TRAF3: variants seen among roughly 807,000 people sequenced by gnomAD.
The protein encoded by TRAF3 is TNF receptor-associated factor 3.
TRAF3 carries 13 observed loss-of-function variants against 62.3 expected under a neutral mutation model. That is an observed-to-expected ratio of 0.21 (90% confidence interval 0.14 to 0.33). The LOEUF (loss-of-function observed/expected upper bound fraction) is 0.33, where lower values mean the gene tolerates loss of function less well. Among genes scored for constraint, TRAF3 ranks in the 10% least tolerant of loss-of-function variants. The probability of loss-of-function intolerance (pLI) is 1.00; values close to 1 mark genes in which losing one functional copy is unlikely to be tolerated. For synonymous variants in TRAF3, 269 were observed against 283.4 expected, an observed-to-expected ratio of 0.95 and a Z score of 0.51; for missense variants, 440 against 741.8, an observed-to-expected ratio of 0.59 and a Z score of 4.73.
At chr14:102,841,167 A>G (rs138879020) in intron 2 of TRAF3, among the ~76,000 whole-genome samples, 2 of 152,318 alleles carry the variant, frequency 1.3e-5, no homozygotes, top group African/African-American at 2.4e-5. Context: ...TGGCTTCACT[A>G]AAGTGATGAT....
At chr14:102,834,831 A>C (rs1885892099) in intron 2 of TRAF3, among the ~76,000 whole-genome samples, 2 of 152,194 alleles carry the variant, frequency 1.3e-5, no homozygotes, top group Admixed American at 6.5e-5. Flanking sequence ...TTCTGGACAC[A>C]GGAACTGACA....
At position 102,870,493 on chromosome 14, in the gene TRAF3, G is replaced by A. The variant is rs762328287; in HGVS notation, c.245+47G>A. The A allele has an allele frequency of 2.1e-5, 33 of 1,605,370 alleles. No individual in the cohort carries two copies. In the East Asian group the frequency reaches 3.1e-4, roughly 15 times the overall value. ...GTCGCCCGGCCCCTTCTCAGCCCTC[G>A]GCCTCACCCTCTCCTTCATTCGTTT... On this transcript the variant is annotated intron_variant, in intron 3 of 11. Transcript: ENST00000392745.
chr14:102,780,974 G>A (rs1595272340), intron 1 of TRAF3, among the ~76,000 whole-genome samples: 2 of 152,130 alleles, frequency 1.3e-5, no homozygotes, highest in South Asian at 2.1e-4. Context: ...CTAACCCTTC[G>A]GGGGAGAATA....
At chr14:102,798,042 A>G (rs1212724819) in intron 1 of TRAF3, among the ~76,000 whole-genome samples, 1 of 151,982 alleles carries the variant, frequency 6.6e-6, no homozygotes, top group African/African-American at 2.4e-5. Context: ...CAGCCTAGGC[A>G]CTCGTATTTC....
intron 2 of TRAF3, among the ~76,000 whole-genome samples, chr14:102,851,708 C>T (rs1422742014): frequency 6.6e-6 from 1 of 152,150 alleles, no homozygotes; most frequent in Admixed American, 6.5e-5. Flanking sequence ...GGCGCCACTG[C>T]ACTCCAGCCT....
At chr14:102,844,612 A>G (rs980281947) in intron 2 of TRAF3, among the ~76,000 whole-genome samples, 1 of 152,210 alleles carries the variant, frequency 6.6e-6, no homozygotes, top group African/African-American at 2.4e-5. Context: ...TATACCTGAC[A>G]AGGATCAGGG....
At chr14:102,859,576 C>T (rs986068892) in intron 2 of TRAF3, among the ~76,000 whole-genome samples, 1 of 152,246 alleles carries the variant, frequency 6.6e-6, no homozygotes, top group African/African-American at 2.4e-5. Flanking sequence ...TTTGACCTGC[C>T]TGATTTAGAC....
rs139835560 is a variant in TRAF3 at position 102,787,184 on chromosome 14, G to A, written c.-157+9509G>A. Among the ~76,000 whole-genome samples the A allele has an allele frequency of 5.4e-3, 815 of 152,266 alleles. 6 individuals are homozygous for A. The highest frequency in any genetic ancestry group is 9.9e-3 in the Admixed American group (151 of 15,292). On this transcript the variant is annotated intron_variant, in intron 1 of 11. Transcript: ENST00000392745. ...GTCCCTGGAAGAAATACCGGTGGGA[G>A]TAGAAGGACATTATTGGACTGCAAA...
chr14:102,870,492 C>A, intron 3 of TRAF3, 46 bp downstream of exon 3: 1 of 1,605,636 alleles, frequency 6.2e-7, no homozygotes. Context: ...TCTCAGCCCT[C>A]GGCCTCACCC....
intron 7 of TRAF3, among the ~76,000 whole-genome samples, chr14:102,886,478 G>A (rs548417442): frequency 4.6e-5 from 7 of 152,212 alleles, no homozygotes; most frequent in East Asian, 1.9e-4. Flanking sequence ...GTGTATGGCC[G>A]GGCACAGTGG....
intron 2 of TRAF3, among the ~76,000 whole-genome samples, chr14:102,861,470 A>G (rs1231353416): frequency 6.6e-6 from 1 of 152,086 alleles, no homozygotes; most frequent in Admixed American, 6.6e-5. Flanking sequence ...CTCTCTTAGG[A>G]GAGACTCTAA....
intron 1 of TRAF3, among the ~76,000 whole-genome samples, chr14:102,820,382 T>A (rs918876362): frequency 6.6e-6 from 1 of 151,814 alleles, no homozygotes. Context: ...CGGGGCCCCC[T>A]CTCTGCAGTC....
intron 7 of TRAF3, among the ~76,000 whole-genome samples, chr14:102,887,294 T>C (rs1426679761): frequency 1.3e-5 from 2 of 152,218 alleles, no homozygotes; most frequent in Non-Finnish European, 1.5e-5. Flanking sequence ...CCTGAAATTT[T>C]ACCACTGGAT....
intron 10 of TRAF3, among the ~76,000 whole-genome samples, chr14:102,898,029 G>A (rs1050216948): frequency 1.3e-5 from 2 of 152,300 alleles, no homozygotes; most frequent in South Asian, 2.1e-4. Flanking sequence ...TCACTTACTC[G>A]TGTGCATTTG....
At chr14:102,809,289 C>T (rs891740937) in intron 1 of TRAF3, among the ~76,000 whole-genome samples, 2 of 151,246 alleles carry the variant, frequency 1.3e-5, no homozygotes, top group Non-Finnish European at 2.9e-5. Context: ...CCTGGCCGCA[C>T]CCGGCTAATT....
At chr14:102,823,518 GA>G (rs1185446903) in intron 1 of TRAF3, among the ~76,000 whole-genome samples, 3 of 152,172 alleles carry the variant, frequency 2.0e-5, no homozygotes, top group Non-Finnish European at 4.4e-5. Context: ...GGGAGAGGGG[GA>G]GTTCTCACAG....
intron 1 of TRAF3, among the ~76,000 whole-genome samples, chr14:102,823,143 G>C (rs1011458155): frequency 1.3e-5 from 2 of 152,218 alleles, no homozygotes; most frequent in African/African-American, 4.8e-5. Flanking sequence ...AGATGGCAGT[G>C]GGTGGGAATG....
intron 2 of TRAF3, among the ~76,000 whole-genome samples, chr14:102,856,097 CAAAAAAAAA>C (rs3070340): frequency 3.2e-5 from 2 of 62,954 alleles, no homozygotes; most frequent in African/African-American, 1.1e-4. Flanking sequence ...CCCTGTCTCA[CAAAAAAAAA>C]AAAAAAAAAA....
intron 1 of TRAF3, among the ~76,000 whole-genome samples, chr14:102,813,685 A>G (rs1263864909): frequency 6.6e-6 from 1 of 151,800 alleles, no homozygotes; most frequent in East Asian, 1.9e-4. Flanking sequence ...TCCTGACCTC[A>G]GTTGATCCAC....
Sources: allele counts gnomAD v4.1 joint callset (sites outside exome capture counted in the v4.1 genomes callset), GRCh38; gene constraint gnomAD v4.1.1; transcripts MANE v1.5; gene names NCBI Gene and HGNC (gene_info 2026-07-23, HGNC 2026-07-21).